The following MOB3A variants were observed in gnomAD, a reference collection of about 807,000 sequenced individuals.
The protein encoded by MOB3A is MOB kinase activator 3A, also known as MOB LAK.
Under a neutral mutation model 17.8 loss-of-function variants are expected in MOB3A, and 17 were observed. That is an observed-to-expected ratio of 0.95 (90% CI 0.65 to 1.43). MOB3A has a LOEUF of 1.43. Ranked by LOEUF, MOB3A falls within the 40% of genes most tolerant of loss-of-function variation. The pLI, the probability that MOB3A is intolerant of heterozygous loss-of-function variation, is 0.00. For missense variants in MOB3A, 333 were observed against 310.8 expected, an observed-to-expected ratio of 1.07 and a Z score of -0.54; for synonymous variants, 124 against 133.2, an observed-to-expected ratio of 0.93 and a Z score of 0.48.
Position 2,090,754 on chromosome 19 carries a change from A to C in MOB3A, c.-273-5426T>G, listed in dbSNP as rs752295718. ...TCTCGTCTCACTGCAACCTCCGCCT[A>C]CTGGGTTCACGCCATTCTCCTGCCT... On this transcript the variant is annotated intron_variant, in intron 1 of 4. Coordinates refer to ENST00000357066, the MANE Select transcript of MOB3A (RefSeq NM_130807.3). 2.6e-5 allele frequency among the ~76,000 whole-genome samples: 4 copies of C among 151,694 alleles called. 1 individual carries two copies. Among genetic ancestry groups the C allele is most frequent in the Admixed American group, 2.6e-4 (4 of 15,232 alleles).
intron 1 of MOB3A, among the ~76,000 whole-genome samples, chr19:2,087,354 C>T (rs1400277807): frequency 6.6e-6 from 1 of 152,206 alleles, no homozygotes; most frequent in Non-Finnish European, 1.5e-5. Flanking sequence ...ACTTTCCTCA[C>T]CCCTAAAAGA....
chr19:2,083,360 G>C (rs1291670877), intron 2 of MOB3A, among the ~76,000 whole-genome samples: 1 of 152,188 alleles, frequency 6.6e-6, no homozygotes, highest in Non-Finnish European at 1.5e-5. Flanking sequence ...CCAGAGCCCT[G>C]CACCTGCCCC....
intron 4 of MOB3A, among the ~76,000 whole-genome samples, chr19:2,076,295 G>T (rs1268717354): frequency 6.6e-6 from 1 of 151,958 alleles, no homozygotes; most frequent in Non-Finnish European, 1.5e-5. Context: ...AGCTGGACGT[G>T]GTGGCGCGTG....
intron 2 of MOB3A, among the ~76,000 whole-genome samples, chr19:2,080,471 G>A (rs965513866): frequency 8.6e-5 from 13 of 151,890 alleles, no homozygotes; most frequent in East Asian, 7.7e-4. Context: ...TCCACCTCCC[G>A]GGTTCACGCG....
intron 4 of MOB3A, among the ~76,000 whole-genome samples, chr19:2,076,450 C>G (rs1354583839): frequency 1.3e-5 from 2 of 152,112 alleles, no homozygotes; most frequent in Non-Finnish European, 2.9e-5. Context: ...CAAAAACAAA[C>G]AAACAAAAAA....
chr19:2,085,017 T>C (rs552933878), intron 2 of MOB3A, among the ~76,000 whole-genome samples, 158 bp downstream of exon 2: 4 of 152,134 alleles, frequency 2.6e-5, no homozygotes, highest in South Asian at 4.1e-4. Flanking sequence ...AGCCACCATG[T>C]CCGGCCCGAG....
Position 2,082,126 on chromosome 19 carries a change from C to T in MOB3A, c.-120+3049G>A, listed in dbSNP as rs1322240135. Among the ~76,000 whole-genome samples the T allele has an allele frequency of 6.6e-6, 1 of 152,240 alleles. No individual in the cohort carries two copies. The highest frequency in any genetic ancestry group is 1.5e-5 in the Non-Finnish European group (1 of 68,040). ...TCCTGGGGCCCTTAGCCACCATCGT[C>T]ACTTCCTGCCACCAGGGTTAACACC... On this transcript the variant is annotated intron_variant, in intron 2 of 4. Coordinates refer to ENST00000357066, the MANE Select transcript of MOB3A (RefSeq NM_130807.3). This position sits in a 1 kb window ranked among gnomAD's most constrained non-coding sequence, Gnocchi z 4.1.
chr19:2,084,759 T>C (rs1454689584), intron 2 of MOB3A, among the ~76,000 whole-genome samples: 1 of 151,830 alleles, frequency 6.6e-6, no homozygotes, highest in African/African-American at 2.4e-5. Context: ...CCCAGCTAAT[T>C]TTTGTACTTT....
In MOB3A at chr19:2,096,299, C is replaced by T. The variant is rs993030626; in HGVS notation, c.-347G>A. On this transcript the variant is annotated 5_prime_UTR_variant, in exon 1 of 5. The change creates a new upstream start codon in the 5' untranslated region. Transcript: ENST00000357066. Reference sequence around the variant, plus strand: ...CGCCTCGGCCGCCTCAGCCGCCGCACCGCCTCGCAGCCGCCGCGGAGGGAC... The same window carrying T: ...CGCCTCGGCCGCCTCAGCCGCCGCATCGCCTCGCAGCCGCCGCGGAGGGAC... The T allele has an allele frequency of 1.9e-5, 3 of 158,728 alleles. No individual in the cohort carries two copies. The highest frequency in any genetic ancestry group is 4.2e-5 in the Non-Finnish European group (3 of 71,954). 9.8% of individuals were successfully genotyped at this position (158,728 alleles called of 1,614,324 possible). A position where few individuals can be genotyped will look rare whatever the true frequency, so the allele number is the denominator to read the frequency against.
chr19:2,080,987 T>A (rs1045372496), intron 2 of MOB3A, among the ~76,000 whole-genome samples: 2 of 151,990 alleles, frequency 1.3e-5, no homozygotes, highest in Admixed American at 1.3e-4. Flanking sequence ...CAAAAAAATT[T>A]AAAAATTAGC....
chr19:2,092,841 A>G (rs2017629058), intron 1 of MOB3A, among the ~76,000 whole-genome samples: 2 of 151,302 alleles, frequency 1.3e-5, no homozygotes, highest in Non-Finnish European at 1.5e-5. Flanking sequence ...AAGAAAACCC[A>G]AGTTCAGCTT....
rs565873306 is a variant in MOB3A, at chr19:2,095,585, C to T, written c.-274+641G>A. On this transcript the variant is annotated intron_variant, in intron 1 of 4. Coordinates refer to ENST00000357066, the MANE Select transcript of MOB3A (RefSeq NM_130807.3). ...GCGGGCAGGGCCAGGAGTTCACCCC[C>T]GCAGCTCGACCCCGCACCCTGTATC... Among the ~76,000 whole-genome samples, 38 of 152,274 alleles carry T rather than the reference C, an allele frequency of 2.5e-4. No individual in the cohort carries two copies. In the South Asian group the frequency reaches 7.9e-3, roughly 32 times the overall value.
At chr19:2,073,805 C>A (rs918501829) in intron 4 of MOB3A, among the ~76,000 whole-genome samples, 4 of 152,118 alleles carry the variant, frequency 2.6e-5, no homozygotes, top group South Asian at 4.1e-4. Flanking sequence ...CAGAGGTAGG[C>A]AGATCACCTG....
intron 1 of MOB3A, among the ~76,000 whole-genome samples, chr19:2,091,403 A>T (rs993166181): frequency 5.9e-5 from 9 of 151,948 alleles, no homozygotes; most frequent in Non-Finnish European, 1.0e-4. Flanking sequence ...TCTTTTTTGG[A>T]GACCGAGTCT....
chr19:2,080,873 C>T (rs563589128), intron 2 of MOB3A, among the ~76,000 whole-genome samples: 5 of 152,232 alleles, frequency 3.3e-5, no homozygotes, highest in Admixed American at 1.3e-4. Flanking sequence ...AGGCCGGGTG[C>T]AGTGGTTCAC....
At chr19:2,095,845 A>G (rs1245456583) in intron 1 of MOB3A, among the ~76,000 whole-genome samples, 1 of 151,538 alleles carries the variant, frequency 6.6e-6, no homozygotes, top group Non-Finnish European at 1.5e-5. Flanking sequence ...CCTGGGTTCA[A>G]GTGATTCTCC....
At position 2,071,075 on chromosome 19, in the gene MOB3A, T is replaced by TG. The variant is rs954367279; in HGVS notation, c.*2319dup. ...TCTGTAGTTTTATTCCGTATCTGGC[T>TG]GGGGGAGGGTGGTCTCCGAGGTGGA... On this transcript the variant is annotated 3_prime_UTR_variant, in exon 5 of 5. Transcript: ENST00000357066. The TG allele has an allele frequency of 1.3e-5, 2 of 151,922 alleles. No homozygotes were observed. Among genetic ancestry groups the TG allele is most frequent in the African/African-American group, 4.9e-5 (2 of 41,208 alleles). The allele number at this position is 151,922 out of a possible 1,614,324, so 9.4% of individuals were successfully genotyped here.
chr19:2,083,536 C>T (rs761542092), intron 2 of MOB3A, among the ~76,000 whole-genome samples: 1 of 152,254 alleles, frequency 6.6e-6, no homozygotes, highest in African/African-American at 2.4e-5. Context: ...ACCTCAGTCC[C>T]CACATGCCTG....
chr19:2,074,693 C>CA, intron 4 of MOB3A, among the ~76,000 whole-genome samples: 1 of 151,922 alleles, frequency 6.6e-6, no homozygotes, highest in Non-Finnish European at 1.5e-5. Context: ...GCTGGGATCA[C>CA]AAGTGCCCAC....
Sources: allele counts gnomAD v4.1 joint callset (sites outside exome capture counted in the v4.1 genomes callset), GRCh38; gene constraint gnomAD v4.1.1; non-coding constraint Gnocchi (gnomAD v3.1); transcripts MANE v1.5; gene names NCBI Gene and HGNC (gene_info 2026-07-23, HGNC 2026-07-21).